The following CCDC85C variants were observed in gnomAD, a reference collection of about 807,000 sequenced individuals.
The protein encoded by CCDC85C is coiled-coil domain-containing protein 85C.
Under a neutral mutation model 38.3 loss-of-function variants are expected in CCDC85C, and 18 were observed. The ratio of observed to expected loss-of-function variants is 0.47; its 90% CI spans 0.33 to 0.70. CCDC85C has a LOEUF of 0.70. Ranked by LOEUF, CCDC85C falls within the 30% of genes least tolerant of loss-of-function variation. The probability of loss-of-function intolerance (pLI) is 0.03; values close to 1 mark genes in which losing one functional copy is unlikely to be tolerated. For synonymous variants in CCDC85C, 264 were observed against 293.8 expected, an observed-to-expected ratio of 0.90 and a Z score of 1.04; for missense variants, 566 against 621.2, an observed-to-expected ratio of 0.91 and a Z score of 0.94.
chr14:99,521,706 G>A (rs570539377), intron 3 of CCDC85C, among the ~76,000 whole-genome samples: 15 of 152,292 alleles, frequency 9.8e-5, no homozygotes, highest in South Asian at 6.2e-4. Flanking sequence ...GCTCCAAGCC[G>A]CCCACCCCAT....
At chr14:99,587,559 C>T (rs1271550750) in intron 1 of CCDC85C, among the ~76,000 whole-genome samples, 1 of 152,224 alleles carries the variant, frequency 6.6e-6, no homozygotes, top group Non-Finnish European at 1.5e-5. Context: ...CAGCCCTGTC[C>T]CTCACAGCCC....
rs557090734 is a variant in CCDC85C, at chr14:99,572,089, G to A, written c.793+31078C>T. 2.6e-5 allele frequency among the ~76,000 whole-genome samples: 4 copies of A among 152,134 alleles called. No homozygotes were observed. The highest frequency in any genetic ancestry group is 7.2e-5 in the African/African-American group (3 of 41,424). On this transcript the variant is annotated intron_variant, in intron 1 of 5. Transcript: ENST00000380243. This position sits in a 1 kb window ranked among gnomAD's most constrained non-coding sequence, Gnocchi z 4.4. ...AGCCCCCAACCCTAACCCAGCACCC[G>A]CAAGTCTCTGGAAGGCAGCGGCAAG...
chr14:99,547,908 A>G (rs574861931), intron 1 of CCDC85C, among the ~76,000 whole-genome samples: 2 of 152,320 alleles, frequency 1.3e-5, no homozygotes, highest in African/African-American at 4.8e-5. Flanking sequence ...ACATATATAC[A>G]CATACATACA....
chr14:99,594,274 A>T (rs2055119934), intron 1 of CCDC85C, among the ~76,000 whole-genome samples: 1 of 152,226 alleles, frequency 6.6e-6, no homozygotes, highest in Non-Finnish European at 1.5e-5. Context: ...AACCTGCACC[A>T]GGAATTGAAG....
intron 2 of CCDC85C, among the ~76,000 whole-genome samples, chr14:99,523,870 T>C (rs1478758833): frequency 6.6e-6 from 1 of 152,024 alleles, no homozygotes; most frequent in Non-Finnish European, 1.5e-5. Context: ...TGACCCTGCC[T>C]AGGTTAACTA....
At chr14:99,523,551 C>G (rs1347252447) in intron 2 of CCDC85C, among the ~76,000 whole-genome samples, 1 of 152,226 alleles carries the variant, frequency 6.6e-6, no homozygotes, top group East Asian at 1.9e-4. Flanking sequence ...AAGCAGGGAT[C>G]CGGCACTGAC....
intron 1 of CCDC85C, among the ~76,000 whole-genome samples, chr14:99,559,051 G>T (rs997714847): frequency 6.6e-6 from 1 of 152,028 alleles, no homozygotes; most frequent in African/African-American, 2.4e-5. Flanking sequence ...TTCGCCTTCC[G>T]CCATGATTGT....
chr14:99,591,119 G>A (rs2055080677), intron 1 of CCDC85C, among the ~76,000 whole-genome samples: 1 of 152,220 alleles, frequency 6.6e-6, no homozygotes, highest in Non-Finnish European at 1.5e-5. Context: ...TGGGAGGGAG[G>A]GGGTGCCTCG....
rs1467674827 is a variant in CCDC85C at position 99,548,338 on chromosome 14, A to G, written c.794-12250T>C. On this transcript the variant is annotated intron_variant, in intron 1 of 5. Transcript: ENST00000380243. This position sits in a 1 kb window ranked among gnomAD's most constrained non-coding sequence, Gnocchi z 4.9. ...CCGCAGGTGTCATCAAGGAAACCCAATTCCGACAATGAGATGCCACTGGAT... is the reference window on the plus strand; with the variant it reads ...CCGCAGGTGTCATCAAGGAAACCCAGTTCCGACAATGAGATGCCACTGGAT... 3.9e-5 allele frequency among the ~76,000 whole-genome samples: 6 copies of G among 152,204 alleles called. No individual in the cohort carries two copies. Among genetic ancestry groups the G allele is most frequent in the Non-Finnish European group, 7.3e-5 (5 of 68,030 alleles).
chr14:99,589,478 C>A lies in CCDC85C; in HGVS notation c.793+13689G>T, dbSNP rs117896169. Among the ~76,000 whole-genome samples the A allele has an allele frequency of 3.7e-4, 56 of 152,330 alleles. 4 individuals carry two copies. The East Asian group carries it at 0.011, about 29-fold the overall frequency. ...GACCACGAACGTGCATTCAGTTGAT[C>A]TATTTTTATTTTTTAAAGGCTTCAG... is the stretch of plus-strand genomic sequence containing the variant. On this transcript the variant is annotated intron_variant, in intron 1 of 5. Transcript: ENST00000380243.
Position 99,510,924 on chromosome 14 carries a change from A to AAAAT in CCDC85C, c.*4318_*4321dup. Reference sequence around the variant, plus strand: ...GAAGAATGGACCGGGCCCCTGGGATAAAATCAGAGTGGTCCTCACACCTAG... The same window carrying AAAAT: ...GAAGAATGGACCGGGCCCCTGGGATAAAATAAATCAGAGTGGTCCTCACACCTAG... On this transcript the variant is annotated 3_prime_UTR_variant, in exon 6 of 6. Transcript: ENST00000380243. 1 of 713,020 alleles carries AAAAT rather than the reference A, an allele frequency of 1.4e-6. No homozygotes were observed. The highest frequency in any genetic ancestry group is 2.0e-6 in the Non-Finnish European group (1 of 501,104). The allele number at this position is 713,020 out of a possible 1,614,324, so 44.2% of individuals were successfully genotyped here.
At chr14:99,593,607 C>T (rs553262791) in intron 1 of CCDC85C, among the ~76,000 whole-genome samples, 5 of 152,350 alleles carry the variant, frequency 3.3e-5, no homozygotes, top group African/African-American at 9.6e-5. Context: ...CACAGGTCAG[C>T]GAGGGGGCAA....
In CCDC85C at chr14:99,503,088, A is replaced by G. The variant is rs1265616475; in HGVS notation, c.*12158T>C. On this transcript the variant is annotated 3_prime_UTR_variant, in exon 6 of 6. Transcript: ENST00000380243. ...AGCGAGCACAGGGAACACCGGAAGC[A>G]GGGGGTGTTCGCCGAAACTCGCAGT... 1 of 1,328,894 alleles carries G rather than the reference A, an allele frequency of 7.5e-7. No individual in the cohort carries two copies. Among genetic ancestry groups the G allele is most frequent in the South Asian group, 1.2e-5 (1 of 85,274 alleles). 82.3% of individuals were successfully genotyped at this position (1,328,894 alleles called of 1,614,324 possible). A position where few individuals can be genotyped will look rare whatever the true frequency, so the allele number is the denominator to read the frequency against.
Position 99,508,713 on chromosome 14 carries a change from AGAGAC to A in CCDC85C, c.*6528_*6532del, listed in dbSNP as rs1897038107. 1 of 152,430 alleles carries A rather than the reference AGAGAC, an allele frequency of 6.6e-6. No homozygotes were observed. The highest frequency in any genetic ancestry group is 2.4e-5 in the African/African-American group (1 of 41,462). 9.4% of individuals were successfully genotyped at this position (152,430 alleles called of 1,614,324 possible). On this transcript the variant is annotated 3_prime_UTR_variant, in exon 6 of 6. Coordinates refer to ENST00000380243, the MANE Select transcript of CCDC85C (RefSeq NM_001144995.2). ...ACAGAGAGGGAATGGGGTGCCCAGG[AGAGAC>A]CCCCACTTGCTGTTCCAGCTCAGTC...
chr14:99,600,050 C>T (rs2055183125), intron 1 of CCDC85C, among the ~76,000 whole-genome samples: 1 of 152,218 alleles, frequency 6.6e-6, no homozygotes, highest in South Asian at 2.1e-4. Context: ...GCTGCAACTG[C>T]CACCAGCTCC....
At chr14:99,581,589 C>T (rs766471934) in intron 1 of CCDC85C, among the ~76,000 whole-genome samples, 2 of 152,218 alleles carry the variant, frequency 1.3e-5, no homozygotes, top group Non-Finnish European at 2.9e-5. Flanking sequence ...ACAATCGCTC[C>T]CTTTGTTCCC....
intron 2 of CCDC85C, among the ~76,000 whole-genome samples, chr14:99,525,374 G>A (rs890918917): frequency 3.3e-5 from 5 of 152,198 alleles, no homozygotes; most frequent in African/African-American, 1.2e-4. Context: ...CATTGTCAGA[G>A]GGGATGCTGA....
intron 1 of CCDC85C, among the ~76,000 whole-genome samples, chr14:99,556,041 G>C (rs1362119732): frequency 6.6e-6 from 1 of 152,230 alleles, no homozygotes; most frequent in Non-Finnish European, 1.5e-5. Context: ...TTGGAAAAAT[G>C]TCAATGTAAA....
chr14:99,530,571 C>T (rs781561414), intron 2 of CCDC85C, among the ~76,000 whole-genome samples: 5 of 152,210 alleles, frequency 3.3e-5, no homozygotes, highest in Non-Finnish European at 5.9e-5. Flanking sequence ...AGATCGATCC[C>T]CTCTTCCCCG....
Sources: gnomAD v4.1 joint callset for allele counts (sites outside exome capture counted in the v4.1 genomes callset) on GRCh38, gnomAD v4.1.1 for gene constraint, Gnocchi (gnomAD v3.1) non-coding constraint, MANE v1.5 for transcripts, NCBI Gene and HGNC (gene_info 2026-07-23, HGNC 2026-07-21) for gene names.